The following TENM2 variants were observed in gnomAD, a reference collection of about 807,000 sequenced individuals.
TENM2 encodes the protein teneurin-2.
Under a neutral mutation model 245.2 loss-of-function variants are expected in TENM2, and 52 were observed. That is an observed-to-expected ratio of 0.21 (90% CI 0.17 to 0.27). The LOEUF (loss-of-function observed/expected upper bound fraction) is 0.27. Among genes scored for constraint, TENM2 ranks in the 10% least tolerant of loss-of-function variants. The pLI is 1.00. For missense variants in TENM2, 3,046 were observed against 3,666.8 expected (o/e 0.83, Z 4.37); for synonymous variants, 1,363 against 1,438.9 (o/e 0.95, Z 1.19).
At chr5:167,779,434 A>T (rs529118342) in intron 2 of TENM2, among the ~76,000 whole-genome samples, 2 of 152,324 alleles carry the variant, frequency 1.3e-5, no homozygotes, top group African/African-American at 4.8e-5. Flanking sequence ...GGGTTAGGTG[A>T]GAGGAGTGGT....
chr5:167,427,578 CGGGAAGGAAGGGAAGGAAGGGACGGGA>C lies in TENM2; in HGVS notation c.502+52125_502+52151del, dbSNP rs1414827770. On this transcript the variant is annotated intron_variant, in intron 2 of 28. Transcript: ENST00000518659. ...GGGAAGGAAGGGAAGGAAGGAAGGA[CGGGAAGGAAGGGAAGGAAGGGACGGGA>C]GGGAAGGAAGGGAAGGAAGAAAGGA... Among the ~76,000 whole-genome samples the C allele has an allele frequency of 6.4e-3, 277 of 43,192 alleles. 23 individuals are homozygous for C. Among genetic ancestry groups the C allele is most frequent in the African/African-American group, 0.028 (255 of 9,272 alleles). The allele number at this position is 43,192 out of a possible 152,430, so 28.3% of individuals were successfully genotyped here. A position where few individuals can be genotyped will look rare whatever the true frequency, so the allele number is the denominator to read the frequency against.
Position 167,446,793 on chromosome 5 carries a change from G to A in TENM2, c.502+71320G>A, listed in dbSNP as rs866946307. 8.6e-3 allele frequency among the ~76,000 whole-genome samples: 1,237 copies of A among 143,986 alleles called. 8 individuals carry two copies. Among genetic ancestry groups the A allele is most frequent in the Middle Eastern group, 0.014 (4 of 276 alleles). 94.5% of individuals were successfully genotyped at this position (143,986 alleles called of 152,430 possible). On this transcript the variant is annotated intron_variant, in intron 2 of 28. Coordinates refer to ENST00000518659, the Ensembl canonical transcript of TENM2. ...CACCCCATCTCAGTTTTTGAAACAC[G>A]CACACACACACACACACACACACAC...
intron 4 of TENM2, among the ~76,000 whole-genome samples, chr5:167,953,916 A>G (rs1036122759): frequency 9.9e-5 from 15 of 152,142 alleles, no homozygotes; most frequent in Non-Finnish European, 1.8e-4. Flanking sequence ...TATGTTATAC[A>G]TCTTTGTCAC....
chr5:167,942,318 G>T, intron 3 of TENM2, among the ~76,000 whole-genome samples: 1 of 152,160 alleles, frequency 6.6e-6, no homozygotes, highest in East Asian at 1.9e-4. Context: ...TTTAAACGTA[G>T]TATCTCATTT....
intron 2 of TENM2, among the ~76,000 whole-genome samples, chr5:167,657,195 T>A (rs1012447471): frequency 2.6e-5 from 4 of 152,212 alleles, no homozygotes; most frequent in African/African-American, 9.7e-5. Flanking sequence ...TGCTTTTGTT[T>A]TTTATCTTTC....
At chr5:168,019,942 A>G (rs1460400145) in intron 5 of TENM2, among the ~76,000 whole-genome samples, 1 of 152,250 alleles carries the variant, frequency 6.6e-6, no homozygotes, top group African/African-American at 2.4e-5. Context: ...ATTGCCTAAG[A>G]GCAAGGAACA....
intron 4 of TENM2, among the ~76,000 whole-genome samples, chr5:167,988,910 T>C (rs1230712094): frequency 2.0e-5 from 3 of 152,228 alleles, no homozygotes; most frequent in Non-Finnish European, 4.4e-5. Flanking sequence ...ATGCAAGATA[T>C]AATCATATCC....
At chr5:168,006,156 T>A (rs1784802683) in intron 5 of TENM2, among the ~76,000 whole-genome samples, 1 of 152,214 alleles carries the variant, frequency 6.6e-6, no homozygotes, top group Non-Finnish European at 1.5e-5. Context: ...TTTTAGCCCA[T>A]CTGTTCACAG....
chr5:167,162,092 G>A, the TENM2 span, among the ~76,000 whole-genome samples: 10 of 151,548 alleles, frequency 6.6e-5, no homozygotes, highest in African/African-American at 2.4e-4. Context: ...CTTGAACCCA[G>A]GAGGCAGAGG....
chr5:167,687,072 T>C (rs1479441202), intron 2 of TENM2, among the ~76,000 whole-genome samples: 1 of 152,182 alleles, frequency 6.6e-6, no homozygotes, highest in African/African-American at 2.4e-5. Context: ...TGGGGGAAGT[T>C]ATATCTCTGC....
chr5:167,711,457 T>C (rs755864704), intron 2 of TENM2, among the ~76,000 whole-genome samples: 16 of 152,180 alleles, frequency 1.1e-4, no homozygotes, highest in Non-Finnish European at 2.2e-4. Flanking sequence ...CTGCAGCTAG[T>C]CAATCTTCCC....
the TENM2 span, among the ~76,000 whole-genome samples, chr5:167,118,358 GA>G: frequency 6.6e-6 from 1 of 152,076 alleles, no homozygotes; most frequent in South Asian, 2.1e-4. Context: ...CACTGAAATA[GA>G]AAAATATATC....
rs80039170 is a variant in TENM2 at position 168,119,578 on chromosome 5, T to C, written c.2008+1092T>C. Among the ~76,000 whole-genome samples, 1,211 of 152,294 alleles carry C rather than the reference T, an allele frequency of 8.0e-3. 13 individuals are homozygous for C. Among genetic ancestry groups the C allele is most frequent in the African/African-American group, 0.028 (1,144 of 41,564 alleles). On this transcript the variant is annotated intron_variant, in intron 10 of 28. Transcript: ENST00000518659. ...TGCCATTTGATTACTTGTCACCATA[T>C]AAAGAATTGGCCACAGCTGGTAGGA... is the stretch of plus-strand genomic sequence containing the variant.
At chr5:167,805,739 T>C (rs1766115019) in intron 2 of TENM2, among the ~76,000 whole-genome samples, 1 of 152,124 alleles carries the variant, frequency 6.6e-6, no homozygotes, top group Non-Finnish European at 1.5e-5. Context: ...ACCTGATGCC[T>C]ATTTAATGAG....
intron 2 of TENM2, among the ~76,000 whole-genome samples, chr5:167,663,895 G>C (rs983803744): frequency 1.3e-5 from 2 of 152,072 alleles, no homozygotes; most frequent in Non-Finnish European, 2.9e-5. Flanking sequence ...TTTTCCTTGA[G>C]AGTGTCTTGC....
intron 2 of TENM2, among the ~76,000 whole-genome samples, chr5:167,679,544 T>C (rs1756560620): frequency 6.6e-6 from 1 of 152,160 alleles, no homozygotes; most frequent in African/African-American, 2.4e-5. Context: ...AATTTCAACA[T>C]AATATATTCA....
intron 2 of TENM2, among the ~76,000 whole-genome samples, chr5:167,473,243 A>G (rs1231046270): frequency 2.6e-5 from 4 of 152,308 alleles, no homozygotes; most frequent in Admixed American, 6.5e-5. Flanking sequence ...TCTGAATGTC[A>G]TGCCATCCAA....
chr5:168,176,648 T>C (rs973259573), intron 13 of TENM2, among the ~76,000 whole-genome samples: 1 of 152,184 alleles, frequency 6.6e-6, no homozygotes, highest in Non-Finnish European at 1.5e-5. Context: ...GCATTCATTG[T>C]TTATTGTCTA....
chr5:167,938,681 T>C (rs1561957596), intron 3 of TENM2: 1 of 152,124 alleles, frequency 6.6e-6, no homozygotes, highest in Admixed American at 6.5e-5. Context: ...AAGGAACAAA[T>C]GAACAAATCA....
Sources: gnomAD v4.1 joint callset for allele counts (sites outside exome capture counted in the v4.1 genomes callset) on GRCh38, gnomAD v4.1.1 for gene constraint, MANE v1.5 for transcripts, NCBI Gene and HGNC (gene_info 2026-07-23, HGNC 2026-07-21) for gene names.